CNGB1: variants seen among roughly 807,000 people sequenced by gnomAD.
CNGB1 encodes cyclic nucleotide gated channel subunit beta 1.
A neutral mutation model predicts 151.7 loss-of-function variants in CNGB1; 126 were observed. The observed-to-expected ratio is 0.83, with a 90% CI of 0.72 to 0.96. The LOEUF is 0.96. Among genes scored for constraint, CNGB1 ranks in the 40% least tolerant of loss-of-function variants. The pLI, the probability that CNGB1 is intolerant of heterozygous loss-of-function variation, is 0.00. For missense variants in CNGB1, 1,698 were observed against 1,627.0 expected (o/e 1.04, Z -0.75); for synonymous variants, 623 against 635.1 (o/e 0.98, Z 0.29).
At chr16:57,935,094 G>A (rs976548595) in intron 16 of CNGB1, among the ~76,000 whole-genome samples, 7 of 151,624 alleles carry the variant, frequency 4.6e-5, no homozygotes, top group African/African-American at 1.7e-4. Context: ...TACCCAGAGA[G>A]GAAGTCTCGG....
rs1961105738 is a variant in CNGB1 at position 57,923,508 on chromosome 16, A to C, written c.1536-128T>G. On this transcript the variant is annotated intron_variant, in intron 17 of 32. Coordinates refer to ENST00000251102, the MANE Select transcript of CNGB1 (RefSeq NM_001297.5). The stretch of plus-strand genomic sequence containing the variant: ...GATAGAGGATGGGGGGCGGAGCATG[A>C]ACTTCTGAGTCCTCATTTGCCTGGA... 3 of 748,086 alleles carry C rather than the reference A, an allele frequency of 4.0e-6. No individual in the cohort carries two copies. The South Asian group carries it at 4.4e-5, about 11-fold the overall frequency. 46.3% of individuals were successfully genotyped at this position (748,086 alleles called of 1,614,324 possible). A position where few individuals can be genotyped will look rare whatever the true frequency, so the allele number is the denominator to read the frequency against.
At position 57,960,571 on chromosome 16, in the gene CNGB1, G is replaced by A; in HGVS notation, c.535-41C>T. ...GGCGCAAGGTCATGGGCCATAGCAAGCTCTGTGCGCTTCCCCAACCGCCAC... is the reference window on the plus strand; with the variant it reads ...GGCGCAAGGTCATGGGCCATAGCAAACTCTGTGCGCTTCCCCAACCGCCAC... On this transcript the variant is annotated intron_variant, in intron 8 of 32. Coordinates refer to ENST00000251102, the MANE Select transcript of CNGB1 (RefSeq NM_001297.5). 3 of 1,599,578 alleles carry A rather than the reference G, an allele frequency of 1.9e-6. No individual in the cohort carries two copies. The African/African-American group carries it at 4.0e-5, about 21-fold the overall frequency.
At chr16:57,904,005 C>T (rs1200232030) in intron 26 of CNGB1, 24 bp from the exon 27 acceptor site, 1 of 1,610,428 alleles carries the variant, frequency 6.2e-7, no homozygotes, top group Non-Finnish European at 8.5e-7. Context: ...TATGGGAGGT[C>T]AAGGAAGCCA....
intron 11 of CNGB1, among the ~76,000 whole-genome samples, 198 bp downstream of exon 11, chr16:57,958,212 C>T (rs1410576216): frequency 1.4e-5 from 2 of 147,194 alleles, no homozygotes; most frequent in African/African-American, 2.6e-5. Flanking sequence ...GCACCTCCCC[C>T]GCTGACTGTG....
chr16:57,955,715 A>G (rs1186125855), intron 12 of CNGB1, among the ~76,000 whole-genome samples: 1 of 152,188 alleles, frequency 6.6e-6, no homozygotes, highest in East Asian at 1.9e-4. Context: ...GGCTTGACAC[A>G]CACAGACACA....
chr16:57,907,111 T>G (rs1314192422), intron 25 of CNGB1, among the ~76,000 whole-genome samples: 2 of 152,200 alleles, frequency 1.3e-5, no homozygotes, highest in Non-Finnish European at 2.9e-5. Flanking sequence ...GGAGTATTGC[T>G]GCCAAGGAAG....
intron 2 of CNGB1, among the ~76,000 whole-genome samples, chr16:57,965,864 T>C (rs1463758595): frequency 6.6e-6 from 1 of 152,174 alleles, no homozygotes; most frequent in Non-Finnish European, 1.5e-5. Flanking sequence ...TTCACATACA[T>C]TGTCATGTAT....
chr16:57,917,177 C>T (rs1210751016), intron 21 of CNGB1, 91 bp downstream of exon 21: 1 of 1,040,548 alleles, frequency 9.6e-7, no homozygotes, highest in Admixed American at 2.0e-5. Context: ...CTTATTTTGT[C>T]ATCTATGACA....
At chr16:57,895,706 G>GA (rs1960205026) in intron 31 of CNGB1, among the ~76,000 whole-genome samples, 3 of 152,098 alleles carry the variant, frequency 2.0e-5, no homozygotes, top group Admixed American at 2.0e-4. Flanking sequence ...CCAGTAAAAG[G>GA]AATCAAGGCT....
intron 17 of CNGB1, among the ~76,000 whole-genome samples, chr16:57,930,723 A>G (rs1402964949): frequency 2.6e-5 from 4 of 152,270 alleles, no homozygotes; most frequent in African/African-American, 9.6e-5. Context: ...TCTTAAGGAC[A>G]TTGTGCCAAG....
chr16:57,947,210 T>G (rs547462056), intron 14 of CNGB1, among the ~76,000 whole-genome samples: 19 of 152,316 alleles, frequency 1.2e-4, no homozygotes, highest in Non-Finnish European at 2.8e-4. Context: ...ATGTGTATAG[T>G]TAGTACACAT....
chr16:57,916,927 A>T (rs1279367920), intron 21 of CNGB1, among the ~76,000 whole-genome samples: 2 of 152,162 alleles, frequency 1.3e-5, no homozygotes, highest in African/African-American at 4.8e-5. Flanking sequence ...CATTCTACAG[A>T]TGAGGAAACA....
At chr16:57,957,261 T>C in intron 12 of CNGB1, 80 bp downstream of exon 12, 1 of 1,388,488 alleles carries the variant, frequency 7.2e-7, no homozygotes. Context: ...ACAGCCCCCC[T>C]GCCCACATAC....
Position 57,959,991 on chromosome 16 carries a change from G to A in CNGB1, c.658C>T (p.Pro220Ser), listed in dbSNP as rs1962198129. 6.3e-7 allele frequency: 1 copy of A among 1,588,514 alleles called. No individual in the cohort carries two copies. Among genetic ancestry groups the A allele is most frequent in the Admixed American group, 1.8e-5 (1 of 56,028 alleles). ...TTGGGTTCCTCCTTGGGCTGCAGGG[G>A]GATGGGTGTGGGCAGGGAGGGGGTC... ...RETPSLPTPIPLQPKEEPKEA... is the reference protein window; with the variant it reads ...RETPSLPTPISLQPKEEPKEA... Residue 220 changes from proline (P) to serine (S), a missense_variant, in exon 10 of 33, where the codon CCC becomes TCC. Transcript: ENST00000251102.
intron 29 of CNGB1, among the ~76,000 whole-genome samples, chr16:57,899,032 G>A (rs1362030842): frequency 6.6e-6 from 1 of 152,160 alleles, no homozygotes; most frequent in Non-Finnish European, 1.5e-5. Context: ...AGAGACCAGA[G>A]GATGTGAGGA....
chr16:57,915,393 AG>A, intron 22 of CNGB1, 58 bp from the exon 23 acceptor site: 1 of 1,346,038 alleles, frequency 7.4e-7, no homozygotes, highest in Non-Finnish European at 1.1e-6. Context: ...GTGGAAGGTG[AG>A]GGGAGTGAGA....
intron 4 of CNGB1, 144 bp from the exon 5 acceptor site, chr16:57,963,208 A>G (rs1962306845): frequency 1.3e-6 from 1 of 776,238 alleles, no homozygotes; most frequent in African/African-American, 1.7e-5. Flanking sequence ...AAGTACCTAC[A>G]TGTACCACTG....
At chr16:57,896,541 C>T (rs1400297524) in intron 31 of CNGB1, among the ~76,000 whole-genome samples, 2 of 151,690 alleles carry the variant, frequency 1.3e-5, no homozygotes, top group Admixed American at 1.3e-4. Context: ...GGTGAAACCC[C>T]GTCTCTACTA....
At chr16:57,922,584 A>G (rs1431234755) in intron 18 of CNGB1, among the ~76,000 whole-genome samples, 1 of 151,654 alleles carries the variant, frequency 6.6e-6, no homozygotes, top group Non-Finnish European at 1.5e-5. Context: ...ATGTGCCACC[A>G]CGCCCGGCTA....
Sources: gnomAD v4.1 joint callset for allele counts (sites outside exome capture counted in the v4.1 genomes callset) on GRCh38, gnomAD v4.1.1 for gene constraint, MANE v1.5 for transcripts, NCBI Gene and HGNC (gene_info 2026-07-23, HGNC 2026-07-21) for gene names.